SND1: variants seen among roughly 807,000 people sequenced by gnomAD.
SND1 encodes staphylococcal nuclease and tudor domain containing 1.
Under a neutral mutation model 121.7 loss-of-function variants are expected in SND1, and 38 were observed. The observed-to-expected ratio is 0.31, with a 90% CI of 0.24 to 0.41. The LOEUF is 0.41. Ranked by LOEUF, SND1 falls within the 10% of genes least tolerant of loss-of-function variation. SND1 has a pLI of 1.00. For missense variants in SND1, 868 were observed against 1,184.6 expected, an observed-to-expected ratio of 0.73 and a Z score of 3.92; for synonymous variants, 401 against 447.4, an observed-to-expected ratio of 0.90 and a Z score of 1.31.
chr7:127,681,336 A>C lies in SND1; in HGVS notation c.79-5277A>C, dbSNP rs1795722567. ...CTCTTCAACTTACTTTAATTGGGCT[A>C]TTGTCTTCTTATCAAATTATGATAG... On this transcript the variant is annotated intron_variant, in intron 1 of 23. Coordinates refer to ENST00000354725, the MANE Select transcript of SND1 (RefSeq NM_014390.4). Among the ~76,000 whole-genome samples the C allele has an allele frequency of 2.6e-5, 4 of 152,214 alleles. No individual in the cohort carries two copies. The South Asian group carries it at 8.3e-4, about 32-fold the overall frequency.
chr7:127,949,582 C>T (rs983723158), intron 15 of SND1, among the ~76,000 whole-genome samples: 4 of 152,218 alleles, frequency 2.6e-5, no homozygotes, highest in African/African-American at 9.6e-5. Context: ...GCATCTCATA[C>T]AGTATGTGCC....
chr7:127,947,640 G>A (rs991574595), intron 15 of SND1, among the ~76,000 whole-genome samples: 4 of 152,188 alleles, frequency 2.6e-5, no homozygotes, highest in African/African-American at 4.8e-5. Context: ...GACTCTGGGC[G>A]CTGGCCTTAC....
At chr7:127,953,998 A>G (rs1237047162) in intron 15 of SND1, among the ~76,000 whole-genome samples, 3 of 152,214 alleles carry the variant, frequency 2.0e-5, no homozygotes, top group Admixed American at 1.3e-4. Flanking sequence ...GATTTGGGAA[A>G]TTGAATTGGC....
chr7:127,913,785 A>G lies in SND1; in HGVS notation c.1527+8966A>G, dbSNP rs562107820. 3.3e-5 allele frequency among the ~76,000 whole-genome samples: 5 copies of G among 152,290 alleles called. No individual in the cohort carries two copies. The South Asian group carries it at 1.0e-3, about 32-fold the overall frequency. Reference sequence around the variant, plus strand: ...CCCCAGATTCACTCTCCACTTTACCATCATAACACTACTTAGCCTTGGATT... The same window carrying G: ...CCCCAGATTCACTCTCCACTTTACCGTCATAACACTACTTAGCCTTGGATT... On this transcript the variant is annotated intron_variant, in intron 14 of 23. Coordinates refer to ENST00000354725, the MANE Select transcript of SND1 (RefSeq NM_014390.4).
chr7:127,771,903 C>T (rs907331795), intron 10 of SND1, among the ~76,000 whole-genome samples: 12 of 152,124 alleles, frequency 7.9e-5, no homozygotes, highest in Admixed American at 2.0e-4. Flanking sequence ...TCGGTGGTTT[C>T]GCTTCCGGCT....
intron 19 of SND1, 65 bp downstream of exon 19, chr7:128,084,912 C>T (rs1584780878): frequency 6.6e-7 from 1 of 1,509,846 alleles, no homozygotes; most frequent in East Asian, 2.4e-5. Flanking sequence ...GTCCTCAGGC[C>T]TCAGGTGTTG....
At chr7:127,911,119 G>T (rs1800443786) in intron 14 of SND1, among the ~76,000 whole-genome samples, 1 of 152,194 alleles carries the variant, frequency 6.6e-6, no homozygotes, top group Non-Finnish European at 1.5e-5. Flanking sequence ...AGCTCAAGTT[G>T]TCACTAATTT....
chr7:127,872,556 T>C (rs948856538), intron 12 of SND1, among the ~76,000 whole-genome samples: 1 of 151,968 alleles, frequency 6.6e-6, no homozygotes, highest in African/African-American at 2.4e-5. Context: ...ATAATTTAGA[T>C]GAGGATTTTT....
intron 10 of SND1, among the ~76,000 whole-genome samples, chr7:127,747,934 A>G (rs542767260): frequency 6.6e-6 from 1 of 152,306 alleles, no homozygotes; most frequent in African/African-American, 2.4e-5. Flanking sequence ...TTTGTGTATG[A>G]TGATGGCTCA....
chr7:128,082,358 C>T (rs957310437), intron 18 of SND1, among the ~76,000 whole-genome samples: 13 of 152,192 alleles, frequency 8.5e-5, no homozygotes, highest in Non-Finnish European at 8.8e-5. Context: ...TTGGGCAGTC[C>T]CCCAGATGGC....
chr7:128,076,959 C>T, intron 17 of SND1, among the ~76,000 whole-genome samples: 1 of 152,180 alleles, frequency 6.6e-6, no homozygotes, highest in Middle Eastern at 3.2e-3. Flanking sequence ...ACTTCCTTGG[C>T]AGGAGGTAAC....
intron 1 of SND1, among the ~76,000 whole-genome samples, chr7:127,660,283 C>A (rs1355507870): frequency 1.3e-5 from 2 of 152,042 alleles, no homozygotes; most frequent in African/African-American, 4.8e-5. Context: ...TGACATTTTC[C>A]TGGTGCAGCA....
chr7:127,841,495 C>T (rs762467151), intron 11 of SND1, among the ~76,000 whole-genome samples: 5 of 152,178 alleles, frequency 3.3e-5, no homozygotes, highest in African/African-American at 4.8e-5. Context: ...CCTTCACTGT[C>T]TACCTTCTGT....
At chr7:127,687,039 A>G (rs985895459) in intron 2 of SND1, 8 of 311,330 alleles carry the variant, frequency 2.6e-5, no homozygotes, top group Non-Finnish European at 4.7e-5. Flanking sequence ...GGAATAGTTT[A>G]GGAACATTTC....
intron 10 of SND1, among the ~76,000 whole-genome samples, chr7:127,764,622 T>C (rs927753506): frequency 6.6e-6 from 1 of 152,234 alleles, no homozygotes; most frequent in African/African-American, 2.4e-5. Context: ...GTTTGTGTAT[T>C]TGAGTTTTCG....
chr7:128,013,159 G>A (rs1803152052), intron 16 of SND1, among the ~76,000 whole-genome samples: 1 of 152,206 alleles, frequency 6.6e-6, no homozygotes, highest in Non-Finnish European at 1.5e-5. Context: ...AGCCTACTGT[G>A]TGGCCTCATC....
intron 15 of SND1, among the ~76,000 whole-genome samples, chr7:127,987,140 CA>C (rs1802410135): frequency 6.6e-6 from 1 of 152,184 alleles, no homozygotes; most frequent in Admixed American, 6.5e-5. Context: ...AGAACTTCTG[CA>C]GCTCCAGTGA....
chr7:127,961,969 A>G (rs962942362), intron 15 of SND1, among the ~76,000 whole-genome samples: 3 of 152,212 alleles, frequency 2.0e-5, no homozygotes, highest in Admixed American at 6.5e-5. Flanking sequence ...TGCCCTGTGC[A>G]TCACGTGATC....
chr7:128,062,294 G>A (rs924484801), intron 16 of SND1, among the ~76,000 whole-genome samples: 2 of 152,340 alleles, frequency 1.3e-5, no homozygotes, highest in African/African-American at 2.4e-5. Context: ...TGGAGGCAGG[G>A]TAGATTTAAG....
Sources: gnomAD v4.1 joint callset for allele counts (sites outside exome capture counted in the v4.1 genomes callset) on GRCh38, gnomAD v4.1.1 for gene constraint, MANE v1.5 for transcripts, NCBI Gene and HGNC (gene_info 2026-07-23, HGNC 2026-07-21) for gene names.